Variants in CNTN1 observed in about 807,000 individuals in gnomAD.
CNTN1 encodes contactin-1.
CNTN1 carries 38 observed loss-of-function variants against 126.4 expected under a neutral mutation model. That is an observed-to-expected ratio of 0.30 (90% CI 0.23 to 0.39). The LOEUF is 0.39. CNTN1 is among the 10% of genes least tolerant of loss of function. The pLI is 1.00. For missense variants in CNTN1, 1,009 were observed against 1,248.4 expected (o/e 0.81, Z 2.89); for synonymous variants, 413 against 422.6 (o/e 0.98, Z 0.28).
chr12:40,787,261 T>C (rs574139658), intron 1 of CNTN1, among the ~76,000 whole-genome samples: 1 of 152,276 alleles, frequency 6.6e-6, no homozygotes, highest in African/African-American at 2.4e-5. Flanking sequence ...CTCTCCTAAA[T>C]GTTACAGTTG....
intron 1 of CNTN1, among the ~76,000 whole-genome samples, chr12:40,697,794 C>A (rs188876766): frequency 6.6e-6 from 1 of 152,164 alleles, no homozygotes; most frequent in African/African-American, 2.4e-5. Context: ...GGCAGCTCTC[C>A]CATGAAGTGA....
At chr12:40,830,751 ATCTC>A (rs1282051983) in intron 1 of CNTN1, among the ~76,000 whole-genome samples, 3 of 141,030 alleles carry the variant, frequency 2.1e-5, no homozygotes, top group Non-Finnish European at 3.1e-5. Context: ...TGAAGTAGAA[ATCTC>A]TCTATATATA....
rs11178595 is a variant in CNTN1 at position 40,825,272 on chromosome 12, A to C, written c.-76-83085A>C. On this transcript the variant is annotated intron_variant, in intron 1 of 23. Transcript: ENST00000551295. ...TATCCCTTGAACTCAGGAATGCAGA[A>C]TCTTTGGTAGGATGCATTCTTTTCC... Among the ~76,000 whole-genome samples, 468 of 152,264 alleles carry C rather than the reference A, an allele frequency of 3.1e-3. 13 individuals are homozygous for C. In the East Asian group the frequency reaches 0.057, roughly 19 times the overall value.
intron 17 of CNTN1, among the ~76,000 whole-genome samples, chr12:40,996,035 A>G (rs1213059231): frequency 6.6e-6 from 1 of 152,180 alleles, no homozygotes; most frequent in East Asian, 1.9e-4. Flanking sequence ...TTCTGAAGAC[A>G]GTGGGCAGTA....
At chr12:41,016,637 T>TA (rs772905301) in intron 18 of CNTN1, 45 bp from the exon 19 acceptor site, 2 of 1,244,968 alleles carry the variant, frequency 1.6e-6, no homozygotes, top group East Asian at 4.6e-5. Flanking sequence ...TCCTCCCTGT[T>TA]ACCTGTATTA....
intron 6 of CNTN1, among the ~76,000 whole-genome samples, chr12:40,925,914 A>G (rs2136891992): frequency 6.7e-6 from 1 of 148,742 alleles, no homozygotes; most frequent in South Asian, 2.1e-4. Flanking sequence ...AGTGTTTCCC[A>G]CAAAGTAATG....
chr12:40,800,677 G>A (rs979642977), intron 1 of CNTN1, among the ~76,000 whole-genome samples: 41 of 151,936 alleles, frequency 2.7e-4, no homozygotes, highest in Admixed American at 9.2e-4. Flanking sequence ...GGCATAAAGC[G>A]TTTTCAATAT....
At chr12:40,812,598 T>G (rs1307742406) in intron 1 of CNTN1, among the ~76,000 whole-genome samples, 1 of 152,182 alleles carries the variant, frequency 6.6e-6, no homozygotes, top group Non-Finnish European at 1.5e-5. Flanking sequence ...ATTGGGTGCA[T>G]ATATATTTAC....
chr12:40,808,454 C>T (rs1472017753), intron 1 of CNTN1, among the ~76,000 whole-genome samples: 2 of 152,054 alleles, frequency 1.3e-5, no homozygotes, highest in East Asian at 3.9e-4. Context: ...CTCAATAGCA[C>T]ACTATTATAC....
intron 12 of CNTN1, 92 bp from the exon 13 acceptor site, chr12:40,943,505 T>C: frequency 1.0e-6 from 1 of 969,634 alleles, no homozygotes; most frequent in Non-Finnish European, 1.6e-6. Flanking sequence ...TAGAATGTAA[T>C]AATTGAAAAA....
At chr12:41,009,977 C>T (rs1045764856) in intron 17 of CNTN1, among the ~76,000 whole-genome samples, 2 of 152,116 alleles carry the variant, frequency 1.3e-5, no homozygotes, top group African/African-American at 4.8e-5. Context: ...ATTAAAAAAG[C>T]ATGTGTCAAT....
At chr12:40,718,286 A>G (rs1391494707) in intron 1 of CNTN1, among the ~76,000 whole-genome samples, 1 of 152,164 alleles carries the variant, frequency 6.6e-6, no homozygotes, top group African/African-American at 2.4e-5. Context: ...CTCCTGCCTC[A>G]GCCTCCTGAG....
chr12:41,013,756 G>A (rs1261170090), intron 17 of CNTN1, among the ~76,000 whole-genome samples: 2 of 152,084 alleles, frequency 1.3e-5, no homozygotes, highest in Non-Finnish European at 1.5e-5. Context: ...GAAAAAATTG[G>A]GGAATTGAAA....
intron 1 of CNTN1, among the ~76,000 whole-genome samples, chr12:40,813,362 A>G (rs976538974): frequency 2.0e-5 from 3 of 151,654 alleles, no homozygotes; most frequent in Non-Finnish European, 4.4e-5. Context: ...AACCCACAAC[A>G]GGCCAGGGTA....
intron 12 of CNTN1, among the ~76,000 whole-genome samples, chr12:40,939,953 C>A (rs1592288610): frequency 6.6e-6 from 1 of 152,058 alleles, no homozygotes; most frequent in Non-Finnish European, 1.5e-5. Flanking sequence ...TCAAAATGAA[C>A]AAGATGTTAT....
At chr12:40,944,535 G>A (rs557428283) in intron 14 of CNTN1, among the ~76,000 whole-genome samples, 3 of 152,030 alleles carry the variant, frequency 2.0e-5, no homozygotes, top group Admixed American at 1.3e-4. Context: ...TTGTTATAAT[G>A]ATGATCTTAA....
intron 1 of CNTN1, among the ~76,000 whole-genome samples, chr12:40,706,556 T>G: frequency 6.6e-6 from 1 of 152,290 alleles, no homozygotes; most frequent in Non-Finnish European, 1.5e-5. Flanking sequence ...ATTTTGAATC[T>G]TCAATGCCTA....
rs551380426 is a variant in CNTN1, at chr12:41,070,857, C to G, written c.*822C>G. Reference sequence around the variant, plus strand: ...GTATCATAATATTGCTATATTTGTTCATATGTGGAGTGACAAATTTTGAAA... The same window carrying G: ...GTATCATAATATTGCTATATTTGTTGATATGTGGAGTGACAAATTTTGAAA... On this transcript the variant is annotated 3_prime_UTR_variant, in exon 24 of 24. Coordinates refer to ENST00000551295, the MANE Select transcript of CNTN1 (RefSeq NM_001843.4). 2.0e-5 allele frequency: 3 copies of G among 151,856 alleles called. No homozygotes were observed. In the South Asian group the frequency reaches 6.2e-4, roughly 32 times the overall value. 9.4% of individuals were successfully genotyped at this position (151,856 alleles called of 1,614,324 possible).
chr12:40,707,216 C>CTTTTCTTTTTCTTTTTTT (rs1565626401), intron 1 of CNTN1, among the ~76,000 whole-genome samples: 1 of 130,424 alleles, frequency 7.7e-6, no homozygotes, highest in Non-Finnish European at 1.6e-5. Context: ...TCTTTCATTT[C>CTTTTCTTTTTCTTTTTTT]TTTTCTTTTT....
Sources: allele counts gnomAD v4.1 joint callset (sites outside exome capture counted in the v4.1 genomes callset), GRCh38; gene constraint gnomAD v4.1.1; transcripts MANE v1.5; gene names NCBI Gene and HGNC (gene_info 2026-07-23, HGNC 2026-07-21).